The following TFDP2 variants were observed in gnomAD, a reference collection of about 807,000 sequenced individuals.
TFDP2 encodes the protein transcription factor Dp-2 (E2F dimerization partner 2).
TFDP2 carries 17 observed loss-of-function variants against 59.3 expected under a neutral mutation model. The observed-to-expected ratio is 0.29, with a 90% CI of 0.20 to 0.43. The LOEUF is 0.43. TFDP2 is among the 20% of genes least tolerant of loss of function. TFDP2 has a pLI of 1.00. For missense variants in TFDP2, 391 were observed against 528.8 expected, an observed-to-expected ratio of 0.74 and a Z score of 2.56; for synonymous variants, 180 against 194.7, an observed-to-expected ratio of 0.92 and a Z score of 0.63.
At chr3:142,056,237 C>G (rs1702041283) in intron 3 of TFDP2, among the ~76,000 whole-genome samples, 1 of 150,970 alleles carries the variant, frequency 6.6e-6, no homozygotes, top group Admixed American at 6.6e-5. Flanking sequence ...CAGGCATGAG[C>G]CACCATGCCT....
intron 3 of TFDP2, among the ~76,000 whole-genome samples, chr3:142,024,431 C>T (rs983792196): frequency 6.6e-6 from 1 of 152,130 alleles, no homozygotes; most frequent in Admixed American, 6.5e-5. Flanking sequence ...CTACCTGCTC[C>T]TCAACAATGT....
chr3:142,109,529 T>C (rs1449822804), intron 1 of TFDP2, among the ~76,000 whole-genome samples: 2 of 152,148 alleles, frequency 1.3e-5, no homozygotes, highest in Admixed American at 6.5e-5. Context: ...TGTTTCACCA[T>C]GTTGGTCAGG....
At chr3:142,094,033 A>C in intron 2 of TFDP2, 1 of 475,684 alleles carries the variant, frequency 2.1e-6, no homozygotes, top group South Asian at 1.6e-5. Context: ...ATTTCATTTA[A>C]GGTAATATCC....
intron 3 of TFDP2, among the ~76,000 whole-genome samples, chr3:142,073,454 A>G (rs2060318037): frequency 1.7e-5 from 1 of 59,524 alleles, no homozygotes; most frequent in Non-Finnish European, 3.4e-5. Context: ...AAACAAACAA[A>G]CAACCCCCCC....
intron 8 of TFDP2, among the ~76,000 whole-genome samples, chr3:141,971,641 C>A (rs1157119964): frequency 6.6e-6 from 1 of 152,122 alleles, no homozygotes; most frequent in Non-Finnish European, 1.5e-5. Flanking sequence ...TGGAGTCACT[C>A]ATGCTGAAAT....
chr3:142,019,290 C>T (rs1945407507), intron 3 of TFDP2, among the ~76,000 whole-genome samples: 2 of 152,132 alleles, frequency 1.3e-5, no homozygotes, highest in Non-Finnish European at 2.9e-5. Context: ...TCTTGAACTC[C>T]TGACCTCAGG....
At chr3:142,038,840 T>G (rs1023882037) in intron 3 of TFDP2, among the ~76,000 whole-genome samples, 51 of 152,334 alleles carry the variant, frequency 3.3e-4, no homozygotes, top group African/African-American at 1.2e-3. Flanking sequence ...TACAAGAATA[T>G]CACAATATAC....
intron 11 of TFDP2, among the ~76,000 whole-genome samples, chr3:141,956,449 G>A (rs1936663091): frequency 6.6e-6 from 1 of 152,066 alleles, no homozygotes; most frequent in South Asian, 2.1e-4. Flanking sequence ...CTACTTGGGA[G>A]GCTGAGACAG....
intron 3 of TFDP2, among the ~76,000 whole-genome samples, chr3:142,051,417 T>C (rs1480470012): frequency 6.6e-6 from 1 of 151,916 alleles, no homozygotes; most frequent in South Asian, 2.1e-4. Context: ...TGTGCACCTG[T>C]AATCCCAGCT....
chr3:142,086,587 G>C (rs1261763010), intron 3 of TFDP2, among the ~76,000 whole-genome samples: 2 of 152,148 alleles, frequency 1.3e-5, no homozygotes, highest in African/African-American at 4.8e-5. Flanking sequence ...AAATACATAG[G>C]GCAAGGTATG....
intron 2 of TFDP2, among the ~76,000 whole-genome samples, chr3:142,096,239 A>G (rs921311193): frequency 1.3e-5 from 2 of 152,224 alleles, no homozygotes; most frequent in African/African-American, 4.8e-5. Flanking sequence ...ATATAAAACC[A>G]AAATATATTT....
Position 142,149,190 on chromosome 3 carries a change from G to A in TFDP2, c.-100C>T. ...CCTCGCCCCAGACCTTACCGCCTTCGGCTGCAGAAGAACTGGCGGCCAAGC... is the reference window on the plus strand; with the variant it reads ...CCTCGCCCCAGACCTTACCGCCTTCAGCTGCAGAAGAACTGGCGGCCAAGC... On this transcript the variant is annotated 5_prime_UTR_variant, in exon 1 of 13. Coordinates refer to ENST00000489671, the MANE Select transcript of TFDP2 (RefSeq NM_001178139.2). 2.5e-6 allele frequency: 1 copy of A among 397,806 alleles called. No individual in the cohort carries two copies. The highest frequency in any genetic ancestry group is 4.4e-6 in the Non-Finnish European group (1 of 225,516). The allele number at this position is 397,806 out of a possible 1,614,324, so 24.6% of individuals were successfully genotyped here.
At chr3:142,093,215 T>G in intron 2 of TFDP2, 88 bp from the exon 3 acceptor site, 1 of 785,690 alleles carries the variant, frequency 1.3e-6, no homozygotes, top group Non-Finnish European at 2.0e-6. Context: ...CCATCAGACA[T>G]CCATATCAAA....
intron 1 of TFDP2, among the ~76,000 whole-genome samples, chr3:142,144,114 C>A (rs1577080088): frequency 6.6e-6 from 1 of 152,308 alleles, no homozygotes; most frequent in East Asian, 1.9e-4. Context: ...TGGCTCACAT[C>A]TGTAATCCCA....
At chr3:142,006,774 C>CTTCTTT (rs1576671733) in intron 3 of TFDP2, among the ~76,000 whole-genome samples, 2 of 150,630 alleles carry the variant, frequency 1.3e-5, no homozygotes, top group South Asian at 2.1e-4. Flanking sequence ...GCCTAAATGA[C>CTTCTTT]TTCTTTTTCT....
At chr3:142,129,010 G>A (rs1225612761) in intron 1 of TFDP2, among the ~76,000 whole-genome samples, 3 of 151,992 alleles carry the variant, frequency 2.0e-5, no homozygotes, top group East Asian at 3.9e-4. Flanking sequence ...CAAATGCTGA[G>A]CTCACAAAAG....
chr3:141,952,770 A>G, intron 12 of TFDP2, 74 bp from the exon 13 acceptor site: 4 of 1,589,172 alleles, frequency 2.5e-6, no homozygotes, highest in East Asian at 2.2e-5. Flanking sequence ...GAATAAAAAC[A>G]GGAAGGAGGT....
intron 6 of TFDP2, among the ~76,000 whole-genome samples, chr3:141,985,713 T>C (rs1198327267): frequency 6.6e-6 from 1 of 152,062 alleles, no homozygotes; most frequent in Admixed American, 6.5e-5. Flanking sequence ...TAGGCAAAGA[T>C]GTTTTAGATA....
intron 3 of TFDP2, among the ~76,000 whole-genome samples, chr3:142,068,255 T>C (rs185806877): frequency 1.4e-3 from 211 of 152,222 alleles, no homozygotes; most frequent in Non-Finnish European, 2.3e-3. Flanking sequence ...ACACAGATTC[T>C]TTATACCTGT....
Sources: allele counts gnomAD v4.1 joint callset (sites outside exome capture counted in the v4.1 genomes callset), GRCh38; gene constraint gnomAD v4.1.1; transcripts MANE v1.5; gene names NCBI Gene and HGNC (gene_info 2026-07-23, HGNC 2026-07-21).